The following PARP15 variants were observed in gnomAD, a reference collection of about 807,000 sequenced individuals.
PARP15 encodes the protein poly(ADP-ribose) polymerase family member 15, also known as protein mono-ADP-ribosyltransferase PARP15.
A neutral mutation model predicts 62.1 loss-of-function variants in PARP15; 50 were observed. The ratio of observed to expected loss-of-function variants is 0.81; its 90% CI spans 0.64 to 1.02. The LOEUF is 1.02. PARP15 is among the 50% of genes least tolerant of loss of function. The pLI is 0.00. For missense variants in PARP15, 820 were observed against 826.5 expected (o/e 0.99, Z 0.10); for synonymous variants, 309 against 293.1 (o/e 1.05, Z -0.55).
At chr3:122,615,504 C>T in intron 4 of PARP15, 5 of 1,155,334 alleles carry the variant, frequency 4.3e-6, no homozygotes, top group Non-Finnish European at 5.8e-6. Flanking sequence ...ACAAAAAAGG[C>T]ATGTGACTTC....
In PARP15 at chr3:122,577,763, A is replaced by G. The variant is rs2080707085; in HGVS notation, c.96A>G (p.Arg32=). The G allele has an allele frequency of 6.4e-7, 1 of 1,551,450 alleles. No homozygotes were observed. The highest frequency in any genetic ancestry group is 1.4e-5 in the African/African-American group (1 of 73,020). Residue 32 remains arginine, a synonymous_variant, in exon 1 of 12, where the codon AGA becomes AGG. Transcript: ENST00000464300. ...ACGGAGTTGCAGGTGTTACTTCCAG[A>G]GCCGGACGAGATCGGGAGGCGGGGA... ...LMHGVAGVTS[R]AGRDREAGSV... is the part of the protein sequence containing the mutation.
chr3:122,579,724 AT>A (rs1423156722), intron 1 of PARP15, among the ~76,000 whole-genome samples: 2 of 151,938 alleles, frequency 1.3e-5, no homozygotes, highest in African/African-American at 4.8e-5. Context: ...CACGCCTGTA[AT>A]CCCAGCACTT....
At chr3:122,586,327 C>G (rs977970584) in intron 1 of PARP15, among the ~76,000 whole-genome samples, 3 of 152,272 alleles carry the variant, frequency 2.0e-5, no homozygotes, top group South Asian at 2.1e-4. Context: ...CCACCTCACC[C>G]TCCTAAGTAG....
intron 1 of PARP15, among the ~76,000 whole-genome samples, chr3:122,583,114 C>CTTTTTTTTTTTTTTTTTTTTTTTTTT (rs67942585): frequency 1.2e-5 from 1 of 83,444 alleles, no homozygotes. Flanking sequence ...TCATCTGTAT[C>CTTTTTTTTTTTTTTTTTTTTTTTTTT]TTTTTTTTTT....
rs59527124 is a variant in PARP15, at chr3:122,579,999, GTATATATATATATATATATATA to G, written c.186+2162_186+2183del. 3.1e-4 allele frequency among the ~76,000 whole-genome samples: 20 copies of G among 64,460 alleles called. 1 individual carries two copies. Among genetic ancestry groups the G allele is most frequent in the Admixed American group, 2.3e-3 (12 of 5,250 alleles). The allele number at this position is 64,460 out of a possible 152,430, so 42.3% of individuals were successfully genotyped here. Reference sequence around the variant, plus strand: ...GTCTGAACAACAACAGCAACTATATGTATATATATATATATATATATATATATATATATATATGCACGCGCGC... The same window carrying G: ...GTCTGAACAACAACAGCAACTATATGTATATATATATATATGCACGCGCGC... On this transcript the variant is annotated intron_variant, in intron 1 of 11. Transcript: ENST00000464300.
chr3:122,593,652 T>TAC (rs1199233711), intron 1 of PARP15, among the ~76,000 whole-genome samples: 1 of 152,244 alleles, frequency 6.6e-6, no homozygotes, highest in Non-Finnish European at 1.5e-5. Context: ...ACATTATACA[T>TAC]ACATACATTT....
chr3:122,627,091 G>A, intron 9 of PARP15, 58 bp downstream of exon 9: 1 of 1,381,328 alleles, frequency 7.2e-7, no homozygotes. Flanking sequence ...CTTAGAAAAT[G>A]TTTAAGTGTG....
Position 122,616,612 on chromosome 3 carries a change from C to T in PARP15, c.851-403C>T, listed in dbSNP as rs1211549411. 2.0e-5 allele frequency among the ~76,000 whole-genome samples: 3 copies of T among 151,974 alleles called. No individual in the cohort carries two copies. The East Asian group carries it at 5.8e-4, about 29-fold the overall frequency. On this transcript the variant is annotated intron_variant, in intron 5 of 11. Transcript: ENST00000464300. ...CTCCCAAAGTGCTGGGATTTTGGAGCAGCCTTTATATTGCTACACCTGTGG... is the reference window on the plus strand; with the variant it reads ...CTCCCAAAGTGCTGGGATTTTGGAGTAGCCTTTATATTGCTACACCTGTGG...
chr3:122,602,536 G>C (rs1300093439), intron 1 of PARP15, among the ~76,000 whole-genome samples: 3 of 152,148 alleles, frequency 2.0e-5, no homozygotes, highest in Non-Finnish European at 4.4e-5. Flanking sequence ...ACTTGCATAT[G>C]AATCCCAAAC....
chr3:122,579,112 A>G (rs528310143), intron 1 of PARP15, among the ~76,000 whole-genome samples: 4 of 152,332 alleles, frequency 2.6e-5, no homozygotes, highest in Admixed American at 1.3e-4. Context: ...GACACAACCA[A>G]TGAAATCTCC....
At chr3:122,593,124 G>GTATCTATCTATGTATC (rs368671095) in intron 1 of PARP15, among the ~76,000 whole-genome samples, 2 of 133,450 alleles carry the variant, frequency 1.5e-5, no homozygotes, top group Non-Finnish European at 3.0e-5. Context: ...ATCTATCTAT[G>GTATCTATCTATGTATC]TATCTATCTA....
chr3:122,612,707 T>C (rs1364869655), intron 3 of PARP15, among the ~76,000 whole-genome samples: 1 of 152,146 alleles, frequency 6.6e-6, no homozygotes, highest in Non-Finnish European at 1.5e-5. Context: ...CCCAAAGTGC[T>C]GGGAGCCACC....
intron 1 of PARP15, among the ~76,000 whole-genome samples, chr3:122,605,425 A>T (rs894328144): frequency 6.6e-6 from 1 of 152,326 alleles, no homozygotes; most frequent in African/African-American, 2.4e-5. Context: ...GGCATTTGGG[A>T]TATTAAATAC....
rs75757385 is a variant in PARP15 at position 122,613,253 on chromosome 3, C to T, written c.756C>T (p.Asp252=). The change falls in exon 4 of 12, where the codon GAC becomes GAT. Residue 252 remains aspartate (D), a synonymous_variant. Coordinates refer to ENST00000464300, the MANE Select transcript of PARP15 (RefSeq NM_001113523.3). ...TCCACTTTCTGGTATATACAAATGA[C>T]GATGAAGGCTGTCAGGTATGGTTAC... ...QEVHFLVYTN[D]DEGCQAFLDE... is the part of the protein sequence containing the mutation. 6.5e-3 allele frequency: 10,048 copies of T among 1,546,692 alleles called. 511 individuals are homozygous for T. In the African/African-American group the frequency reaches 0.11, roughly 18 times the overall value.
intron 10 of PARP15, among the ~76,000 whole-genome samples, chr3:122,634,502 G>A (rs1318218895): frequency 6.6e-6 from 1 of 152,198 alleles, no homozygotes; most frequent in Non-Finnish European, 1.5e-5. Context: ...ATGGCTCGTG[G>A]TTTGAAATGC....
chr3:122,590,283 T>C (rs993236181), intron 1 of PARP15, among the ~76,000 whole-genome samples: 3 of 151,924 alleles, frequency 2.0e-5, no homozygotes, highest in African/African-American at 7.3e-5. Context: ...AAATAATATA[T>C]ATATTTTGAG....
chr3:122,609,754 T>C (rs1271575288), intron 2 of PARP15, among the ~76,000 whole-genome samples: 1 of 152,044 alleles, frequency 6.6e-6, no homozygotes, highest in Admixed American at 6.6e-5. Flanking sequence ...TGTCTCCTCT[T>C]ACTCCCAACT....
chr3:122,590,966 GTTTGTTAC>G (rs1270356051), intron 1 of PARP15, among the ~76,000 whole-genome samples: 13 of 152,122 alleles, frequency 8.5e-5, no homozygotes, highest in Non-Finnish European at 1.5e-5. Context: ...TTACTATCAT[GTTTGTTAC>G]TTTTTTCCCC....
chr3:122,622,655 C>T (rs993230493), intron 8 of PARP15, among the ~76,000 whole-genome samples: 1 of 152,182 alleles, frequency 6.6e-6, no homozygotes, highest in East Asian at 1.9e-4. Context: ...GAGTAAGATG[C>T]AGTCACTCCC....
Sources: allele counts gnomAD v4.1 joint callset (sites outside exome capture counted in the v4.1 genomes callset), GRCh38; gene constraint gnomAD v4.1.1; transcripts MANE v1.5; gene names NCBI Gene and HGNC (gene_info 2026-07-23, HGNC 2026-07-21).